PRKCE: variants seen among roughly 807,000 people sequenced by gnomAD.
The protein encoded by PRKCE is protein kinase C epsilon.
PRKCE carries 16 observed loss-of-function variants against 85.4 expected under a neutral mutation model. That is an observed-to-expected ratio of 0.19 (90% CI 0.13 to 0.28). The LOEUF (loss-of-function observed/expected upper bound fraction) is 0.28. Among genes scored for constraint, PRKCE ranks in the 10% least tolerant of loss-of-function variants. The pLI, the probability that PRKCE is intolerant of heterozygous loss-of-function variation, is 1.00. For synonymous variants in PRKCE, 388 were observed against 371.5 expected (o/e 1.04, Z -0.51); for missense variants, 573 against 975.2 (o/e 0.59, Z 5.49).
intron 10 of PRKCE, among the ~76,000 whole-genome samples, chr2:46,045,430 A>G (rs1249532608): frequency 6.6e-6 from 1 of 152,238 alleles, no homozygotes; most frequent in East Asian, 1.9e-4. Flanking sequence ...AGTCCTACCT[A>G]AGACAGGCTA....
At chr2:46,168,868 T>G (rs1390916294) in intron 14 of PRKCE, among the ~76,000 whole-genome samples, 1 of 152,148 alleles carries the variant, frequency 6.6e-6, no homozygotes, top group Non-Finnish European at 1.5e-5. Flanking sequence ...TTGCAGAAGA[T>G]CCTATCCAAG....
chr2:45,822,013 C>T (rs888065836), intron 1 of PRKCE, among the ~76,000 whole-genome samples: 10 of 152,038 alleles, frequency 6.6e-5, no homozygotes, highest in African/African-American at 2.2e-4. Context: ...AGGTGCGGGG[C>T]GTGGGAGGAC....
intron 13 of PRKCE, among the ~76,000 whole-genome samples, chr2:46,152,196 T>A (rs1046804319): frequency 3.3e-5 from 5 of 152,184 alleles, no homozygotes; most frequent in African/African-American, 1.2e-4. Flanking sequence ...TTTTTTTTTT[T>A]TTTTAGACAG....
At chr2:45,713,458 C>A (rs72884478) in intron 1 of PRKCE, among the ~76,000 whole-genome samples, 3,144 of 152,128 alleles carry the variant, frequency 0.021, 101 homozygotes, top group African/African-American at 0.073. Flanking sequence ...GGAGGCTGAG[C>A]CCACAGAGAA....
At chr2:45,679,134 T>C (rs142335589) in intron 1 of PRKCE, among the ~76,000 whole-genome samples, 148 of 152,240 alleles carry the variant, frequency 9.7e-4, no homozygotes, top group African/African-American at 3.5e-3. Context: ...TCATGGAAAA[T>C]TTCATCCTGA....
At chr2:46,030,846 C>T (rs1359548387) in intron 10 of PRKCE, among the ~76,000 whole-genome samples, 5 of 152,246 alleles carry the variant, frequency 3.3e-5, no homozygotes, top group African/African-American at 1.2e-4. Context: ...AACATCCTTG[C>T]AGTCTTGGTC....
intron 10 of PRKCE, 171 bp downstream of exon 10, chr2:46,010,688 C>T (rs769652360): frequency 6.3e-7 from 1 of 1,598,468 alleles, no homozygotes; most frequent in East Asian, 2.2e-5. Context: ...TTTTAGGGCA[C>T]AGGATTTTCC....
rs7586987 is a variant in PRKCE at position 46,076,281 on chromosome 2, A to G, written c.1438-9927A>G. On this transcript the variant is annotated intron_variant, in intron 10 of 14. Coordinates refer to ENST00000306156, the MANE Select transcript of PRKCE (RefSeq NM_005400.3). ...ATGTAGCCTAGCTGGGGGCTGCTCC[A>G]TTTGTGCTGTCATATCATGTGATAA... Among the ~76,000 whole-genome samples the G allele has an allele frequency of 9.6e-3, 1,468 of 152,280 alleles. 26 individuals carry two copies. Among genetic ancestry groups the G allele is most frequent in the African/African-American group, 0.034 (1,406 of 41,540 alleles).
intron 1 of PRKCE, among the ~76,000 whole-genome samples, chr2:45,825,570 T>A (rs1027053806): frequency 5.3e-5 from 8 of 152,186 alleles, no homozygotes. Context: ...GAAATCAATG[T>A]TACACCTGAT....
intron 1 of PRKCE, among the ~76,000 whole-genome samples, chr2:45,656,347 T>A (rs936185992): frequency 6.6e-6 from 1 of 152,136 alleles, no homozygotes; most frequent in Non-Finnish European, 1.5e-5. Flanking sequence ...TTCGGAAACA[T>A]TGGAGTAGGA....
intron 10 of PRKCE, among the ~76,000 whole-genome samples, chr2:46,040,611 A>T (rs1708161389): frequency 6.6e-6 from 1 of 152,104 alleles, no homozygotes; most frequent in African/African-American, 2.4e-5. Context: ...ACACCAGAAG[A>T]CCTCTTGTAC....
chr2:46,137,072 C>T (rs1282969237), intron 11 of PRKCE, among the ~76,000 whole-genome samples: 4 of 152,186 alleles, frequency 2.6e-5, no homozygotes, highest in Admixed American at 6.5e-5. Context: ...CTGGAGGAGG[C>T]AGAATTTCTG....
At chr2:45,689,165 C>G (rs1009375216) in intron 1 of PRKCE, among the ~76,000 whole-genome samples, 1 of 152,210 alleles carries the variant, frequency 6.6e-6, no homozygotes, top group African/African-American at 2.4e-5. Flanking sequence ...TTAAGCACAG[C>G]TCTTGTGGCA....
At chr2:45,663,220 G>A (rs1161004271) in intron 1 of PRKCE, among the ~76,000 whole-genome samples, 1 of 152,128 alleles carries the variant, frequency 6.6e-6, no homozygotes, top group South Asian at 2.1e-4. Flanking sequence ...GCTTTTATTT[G>A]GGAAACATTA....
At chr2:45,674,598 T>C (rs1396742529) in intron 1 of PRKCE, 5 of 152,226 alleles carry the variant, frequency 3.3e-5, no homozygotes, top group East Asian at 1.9e-4. Context: ...CTCCCCACTC[T>C]GTGAGGGATT....
intron 2 of PRKCE, among the ~76,000 whole-genome samples, chr2:45,938,623 T>C (rs1053686867): frequency 3.9e-5 from 6 of 152,210 alleles, no homozygotes; most frequent in African/African-American, 1.2e-4. Context: ...CATTCTTTCC[T>C]AACTTATGGG....
intron 1 of PRKCE, among the ~76,000 whole-genome samples, chr2:45,753,660 T>TA (rs977332343): frequency 3.1e-4 from 47 of 151,428 alleles, no homozygotes; most frequent in African/African-American, 4.6e-4. Flanking sequence ...CCTGGAGCTT[T>TA]AAAAAAAAAC....
At chr2:46,153,258 T>C (rs1676818672) in intron 13 of PRKCE, among the ~76,000 whole-genome samples, 1 of 152,224 alleles carries the variant, frequency 6.6e-6, no homozygotes, top group Non-Finnish European at 1.5e-5. Context: ...ATAGAGTATG[T>C]TCATTCATGC....
chr2:45,979,284 A>G (rs1702696932), intron 4 of PRKCE, among the ~76,000 whole-genome samples: 1 of 152,130 alleles, frequency 6.6e-6, no homozygotes. Flanking sequence ...TGGCACTTTC[A>G]TCTTTCTGAA....
Sources: gnomAD v4.1 joint callset for allele counts (sites outside exome capture counted in the v4.1 genomes callset) on GRCh38, gnomAD v4.1.1 for gene constraint, MANE v1.5 for transcripts, NCBI Gene and HGNC (gene_info 2026-07-23, HGNC 2026-07-21) for gene names.